The following WLS variants were observed in gnomAD, a reference collection of about 807,000 sequenced individuals.
WLS encodes protein wntless homolog.
In WLS, 23 loss-of-function variants were observed where a neutral mutation model predicts 62.8. That is an observed-to-expected ratio of 0.37 (90% CI 0.26 to 0.52). WLS has a LOEUF of 0.52. Among genes scored for constraint, WLS ranks in the 20% least tolerant of loss-of-function variants. The pLI, the probability that WLS is intolerant of heterozygous loss-of-function variation, is 0.92. For missense variants in WLS, 615 were observed against 697.3 expected (o/e 0.88, Z 1.33); for synonymous variants, 246 against 244.1 (o/e 1.01, Z -0.07).
At chr1:68,215,574 CAAAA>C (rs1255351441) in intron 1 of WLS, among the ~76,000 whole-genome samples, 1 of 151,812 alleles carries the variant, frequency 6.6e-6, no homozygotes, top group Non-Finnish European at 1.5e-5. Context: ...GATAAATTCA[CAAAA>C]GTGAATTTAC....
At chr1:68,149,007 G>T (rs528450108) in intron 6 of WLS, among the ~76,000 whole-genome samples, 43 of 152,272 alleles carry the variant, frequency 2.8e-4, no homozygotes, top group African/African-American at 7.7e-4. Context: ...TACGTGACTT[G>T]TAACTTGTGT....
rs570139472 is a variant in WLS, at chr1:68,115,596, T to C, written c.1511-16843A>G. Among the ~76,000 whole-genome samples, 10 of 152,264 alleles carry C rather than the reference T, an allele frequency of 6.6e-5. 1 individual carries two copies. Among genetic ancestry groups the C allele is most frequent in the East Asian group, 1.9e-4 (1 of 5,178 alleles). ...ATTGGTATAAATGAAAGTACCTATA[T>C]CATGGGACTACTGTGAGGTGCCAGC... is the stretch of plus-strand genomic sequence containing the variant. On this transcript the variant is annotated intron_variant, in intron 11 of 11. Transcript: ENST00000354777.
intron 2 of WLS, among the ~76,000 whole-genome samples, chr1:68,181,442 G>C (rs1199729936): frequency 6.6e-6 from 1 of 152,202 alleles, no homozygotes; most frequent in Non-Finnish European, 1.5e-5. Flanking sequence ...GTGATCTGCA[G>C]CTGTGGCACT....
At chr1:68,187,202 A>G (rs1648012387) in intron 2 of WLS, among the ~76,000 whole-genome samples, 1 of 150,760 alleles carries the variant, frequency 6.6e-6, no homozygotes, top group Non-Finnish European at 1.5e-5. Context: ...AAAAAAAAAA[A>G]AAAAAAAAAT....
intron 1 of WLS, among the ~76,000 whole-genome samples, chr1:68,203,741 C>G (rs531168823): frequency 1.3e-5 from 2 of 152,224 alleles, no homozygotes; most frequent in East Asian, 3.9e-4. Context: ...TAGTGAGAGA[C>G]AGGAATTCAA....
At chr1:68,110,733 GTATATATATGTGTGTA>G (rs1646217912) in intron 11 of WLS, among the ~76,000 whole-genome samples, 2 of 75,390 alleles carry the variant, frequency 2.7e-5, no homozygotes, top group Non-Finnish European at 5.8e-5. Flanking sequence ...ATATATGTTT[GTATATATATGTGTGTA>G]TATATATATA....
chr1:68,159,586 G>T (rs1646945165), intron 2 of WLS, among the ~76,000 whole-genome samples: 1 of 152,134 alleles, frequency 6.6e-6, no homozygotes, highest in African/African-American at 2.4e-5. Context: ...GAAGCCACGT[G>T]GAAGGTGATG....
chr1:68,169,286 A>G (rs1326725678), intron 2 of WLS, among the ~76,000 whole-genome samples: 5 of 152,174 alleles, frequency 3.3e-5, no homozygotes, highest in Non-Finnish European at 7.3e-5. Flanking sequence ...ACATCCACTT[A>G]CCCCTATTGT....
chr1:68,110,967 A>G (rs1646221781), intron 11 of WLS, among the ~76,000 whole-genome samples: 2 of 152,180 alleles, frequency 1.3e-5, no homozygotes, highest in Admixed American at 1.3e-4. Flanking sequence ...TATTTTTATA[A>G]TCTTGAAATT....
intron 5 of WLS, among the ~76,000 whole-genome samples, chr1:68,153,264 A>G (rs1202211441): frequency 2.0e-5 from 3 of 152,164 alleles, no homozygotes; most frequent in Non-Finnish European, 4.4e-5. Flanking sequence ...ACAGAGTGAG[A>G]CCTTGTCTCC....
intron 1 of WLS, among the ~76,000 whole-genome samples, chr1:68,225,530 C>T (rs892347953): frequency 3.9e-5 from 6 of 152,164 alleles, no homozygotes; most frequent in African/African-American, 1.4e-4. Flanking sequence ...CTCTCAGGGT[C>T]TCTATCAAAA....
chr1:68,202,365 C>T (rs1345139136), intron 1 of WLS: 1 of 152,148 alleles, frequency 6.6e-6, no homozygotes, highest in African/African-American at 2.4e-5. Flanking sequence ...GTGTAGCAAT[C>T]CAGTGGTGGC....
At chr1:68,230,588 C>CGTGT (rs145944948) in intron 1 of WLS, among the ~76,000 whole-genome samples, 11,345 of 149,068 alleles carry the variant, frequency 0.076, 551 homozygotes, top group East Asian at 0.24. Context: ...TGTGTGCGCG[C>CGTGT]GTGTGTGTGT....
chr1:68,227,203 G>A (rs1650183937), intron 1 of WLS, among the ~76,000 whole-genome samples: 1 of 152,016 alleles, frequency 6.6e-6, no homozygotes, highest in Non-Finnish European at 1.5e-5. Context: ...AGACCAGCCC[G>A]GCCAACCCGG....
intron 11 of WLS, among the ~76,000 whole-genome samples, chr1:68,127,708 T>G (rs892295443): frequency 1.3e-5 from 2 of 152,302 alleles, no homozygotes; most frequent in South Asian, 2.1e-4. Flanking sequence ...GTTTTTCTAA[T>G]TTAAAGCATA....
chr1:68,121,003 T>C (rs542824203), downstream of WLS: 9 of 152,360 alleles, frequency 5.9e-5, no homozygotes, highest in East Asian at 1.7e-3. Flanking sequence ...AAAATATTGC[T>C]GAATACAGAG....
chr1:68,161,249 C>T (rs1163988867), intron 2 of WLS, among the ~76,000 whole-genome samples: 3 of 152,138 alleles, frequency 2.0e-5, no homozygotes, highest in East Asian at 1.9e-4. Context: ...CAATCCTATG[C>T]GAGCAAGTGT....
At chr1:68,155,051 T>A (rs765525050) in intron 4 of WLS, 48 bp downstream of exon 4, 6 of 1,582,006 alleles carry the variant, frequency 3.8e-6, no homozygotes, top group Non-Finnish European at 5.2e-6. Flanking sequence ...AAGAGTGAGA[T>A]GGAGTTCCCC....
intron 5 of WLS, among the ~76,000 whole-genome samples, chr1:68,151,878 G>T (rs1646831232): frequency 6.6e-6 from 1 of 152,124 alleles, no homozygotes; most frequent in Non-Finnish European, 1.5e-5. Context: ...TTGAAAGGGG[G>T]CACTCCTGGC....
Sources: allele counts gnomAD v4.1 joint callset (sites outside exome capture counted in the v4.1 genomes callset), GRCh38; gene constraint gnomAD v4.1.1; transcripts MANE v1.5; gene names NCBI Gene and HGNC (gene_info 2026-07-23, HGNC 2026-07-21).